The following CCDC148 variants were observed in gnomAD, a reference collection of about 807,000 sequenced individuals.
CCDC148 encodes the protein coiled-coil domain-containing protein 148.
In CCDC148, 89 loss-of-function variants were observed where a neutral mutation model predicts 85.7. The observed-to-expected ratio is 1.04, with a 90% CI of 0.87 to 1.24. The LOEUF (loss-of-function observed/expected upper bound fraction) is 1.24, where lower values mean the gene tolerates loss of function less well. CCDC148 is among the 50% of genes most tolerant of loss of function. CCDC148 has a pLI of 0.00. For missense variants in CCDC148, 692 were observed against 671.7 expected (o/e 1.03, Z -0.33); for synonymous variants, 230 against 213.9 (o/e 1.08, Z -0.66).
intron 1 of CCDC148, among the ~76,000 whole-genome samples, chr2:158,436,816 A>G (rs1687675878): frequency 6.6e-6 from 1 of 152,228 alleles, no homozygotes; most frequent in African/African-American, 2.4e-5. Context: ...TCCCACAGAA[A>G]TACAAACTAC....
chr2:158,276,947 A>C (rs1168100473), intron 9 of CCDC148, among the ~76,000 whole-genome samples: 1 of 152,236 alleles, frequency 6.6e-6, no homozygotes, highest in African/African-American at 2.4e-5. Flanking sequence ...TGCCCAGCTA[A>C]TACTAGAAAT....
Position 158,384,953 on chromosome 2 carries a change from A to G in CCDC148, c.26-26383T>C, listed in dbSNP as rs376234113. 9.6e-4 allele frequency among the ~76,000 whole-genome samples: 146 copies of G among 152,234 alleles called. 1 individual carries two copies. Among genetic ancestry groups the G allele is most frequent in the African/African-American group, 3.4e-3 (143 of 41,552 alleles). The stretch of plus-strand genomic sequence containing the variant: ...TTTCCAGAACCTTAAGGGAAAACCC[A>G]TTTGCCAGCTCATTCTTATTGTCAG... On this transcript the variant is annotated intron_variant, in intron 1 of 13. Coordinates refer to ENST00000283233, the MANE Select transcript of CCDC148 (RefSeq NM_138803.4).
At chr2:158,288,141 G>A (rs980387086) in intron 9 of CCDC148, among the ~76,000 whole-genome samples, 2 of 152,146 alleles carry the variant, frequency 1.3e-5, no homozygotes, top group Non-Finnish European at 2.9e-5. Context: ...CCCTAGCACA[G>A]GAACCCTAGG....
At chr2:158,222,588 T>C (rs1323164745) in intron 10 of CCDC148, among the ~76,000 whole-genome samples, 1 of 152,188 alleles carries the variant, frequency 6.6e-6, no homozygotes, top group Non-Finnish European at 1.5e-5. Flanking sequence ...ATTTCCTTGT[T>C]TTCACTGAAA....
chr2:158,224,301 A>G (rs1259966289), intron 10 of CCDC148, among the ~76,000 whole-genome samples: 4 of 152,232 alleles, frequency 2.6e-5, no homozygotes, highest in Admixed American at 2.6e-4. Context: ...GCCTCCAAGA[A>G]ATATGGGACT....
At chr2:158,311,140 T>C (rs952697529) in intron 8 of CCDC148, among the ~76,000 whole-genome samples, 8 of 152,140 alleles carry the variant, frequency 5.3e-5, no homozygotes, top group East Asian at 1.9e-4. Flanking sequence ...GTGGAGGTTG[T>C]AGCGAGCGGA....
At chr2:158,363,008 A>T (rs942305857) in intron 1 of CCDC148, among the ~76,000 whole-genome samples, 14 of 152,366 alleles carry the variant, frequency 9.2e-5, no homozygotes, top group African/African-American at 3.4e-4. Context: ...CCACAGAAAT[A>T]CAAACTACCA....
At chr2:158,245,832 C>T (rs1041708629) in intron 10 of CCDC148, among the ~76,000 whole-genome samples, 4 of 152,080 alleles carry the variant, frequency 2.6e-5, no homozygotes, top group Non-Finnish European at 5.9e-5. Context: ...TTGATTTTAT[C>T]ATGACAACAA....
chr2:158,282,526 C>A (rs575780950), intron 9 of CCDC148, among the ~76,000 whole-genome samples: 17 of 152,274 alleles, frequency 1.1e-4, no homozygotes, highest in African/African-American at 4.1e-4. Flanking sequence ...CTCCCATTCA[C>A]AATTGCTTCA....
At chr2:158,435,547 T>G (rs536501306) in intron 1 of CCDC148, among the ~76,000 whole-genome samples, 2 of 152,202 alleles carry the variant, frequency 1.3e-5, no homozygotes, top group South Asian at 2.1e-4. Context: ...AGACCATCAA[T>G]GCTAGGAAGA....
chr2:158,227,796 A>T (rs1180779144), intron 10 of CCDC148, among the ~76,000 whole-genome samples: 1 of 152,222 alleles, frequency 6.6e-6, no homozygotes, highest in African/African-American at 2.4e-5. Flanking sequence ...TGCCTTATAC[A>T]AAAATTAGTT....
chr2:158,312,927 A>T (rs1240961374), intron 8 of CCDC148, among the ~76,000 whole-genome samples: 1 of 152,206 alleles, frequency 6.6e-6, no homozygotes, highest in Non-Finnish European at 1.5e-5. Context: ...TCTTACATGT[A>T]TTCAAGGAGT....
intron 1 of CCDC148, among the ~76,000 whole-genome samples, chr2:158,404,565 T>C (rs1163783167): frequency 6.6e-6 from 1 of 152,204 alleles, no homozygotes; most frequent in African/African-American, 2.4e-5. Context: ...TACAAGACTT[T>C]AAAATTACAA....
chr2:158,193,560 C>T (rs1037180138), intron 11 of CCDC148, among the ~76,000 whole-genome samples: 5 of 151,670 alleles, frequency 3.3e-5, no homozygotes, highest in Admixed American at 1.3e-4. Flanking sequence ...CAGATAGTAA[C>T]GATAATCCTT....
At chr2:158,276,439 A>G (rs1189240362) in intron 9 of CCDC148, among the ~76,000 whole-genome samples, 4 of 151,966 alleles carry the variant, frequency 2.6e-5, no homozygotes, top group African/African-American at 7.3e-5. Flanking sequence ...GTCTCAAAAC[A>G]AAAACAAAAA....
At chr2:158,194,124 A>T (rs1272700731) in intron 11 of CCDC148, among the ~76,000 whole-genome samples, 2 of 152,140 alleles carry the variant, frequency 1.3e-5, no homozygotes, top group Non-Finnish European at 2.9e-5. Flanking sequence ...TTTAAACAGC[A>T]TCATTCACTT....
At chr2:158,394,061 C>T (rs1685428118) in intron 1 of CCDC148, among the ~76,000 whole-genome samples, 1 of 152,012 alleles carries the variant, frequency 6.6e-6, no homozygotes, top group African/African-American at 2.4e-5. Flanking sequence ...TGAGGACTGA[C>T]CAAAGAGGTA....
chr2:158,280,163 T>C (rs138377335), intron 9 of CCDC148, among the ~76,000 whole-genome samples: 7,106 of 152,276 alleles, frequency 0.047, 261 homozygotes, highest in East Asian at 0.14. Flanking sequence ...TACCAGCCAC[T>C]GCAAAATCAT....
In CCDC148 at chr2:158,283,093, C is replaced by T. The variant is rs868748625; in HGVS notation, c.1110+26340G>A. Among the ~76,000 whole-genome samples the T allele has an allele frequency of 3.1e-4, 47 of 152,150 alleles. No individual in the cohort carries two copies. In the South Asian group the frequency reaches 3.7e-3, roughly 12 times the overall value. On this transcript the variant is annotated intron_variant, in intron 9 of 13. Transcript: ENST00000283233. The stretch of plus-strand genomic sequence containing the variant: ...CTAGCCATATGTAGAAAGCTGAAAC[C>T]GGATCCCTTCCTCACACCTTATACA...
Sources: allele counts gnomAD v4.1 joint callset (sites outside exome capture counted in the v4.1 genomes callset), GRCh38; gene constraint gnomAD v4.1.1; transcripts MANE v1.5; gene names NCBI Gene and HGNC (gene_info 2026-07-23, HGNC 2026-07-21).